Variants in MIOS observed in about 807,000 individuals in gnomAD.
MIOS encodes the protein GATOR2 complex protein MIOS.
A neutral mutation model predicts 96.9 loss-of-function variants in MIOS; 52 were observed. The observed-to-expected ratio is 0.54, with a 90% CI of 0.43 to 0.68. The LOEUF is 0.68. MIOS is among the 30% of genes least tolerant of loss of function. MIOS has a pLI of 0.00. For missense variants in MIOS, 1,005 were observed against 1,052.8 expected (o/e 0.95, Z 0.63); for synonymous variants, 397 against 359.5 (o/e 1.10, Z -1.18).
chr7:7,577,954 T>G (rs1783590031), intron 5 of MIOS, among the ~76,000 whole-genome samples: 1 of 152,118 alleles, frequency 6.6e-6, no homozygotes, highest in Non-Finnish European at 1.5e-5. Context: ...GGATCTTATT[T>G]GGATAGAGAT....
rs755225657 is a variant in MIOS at position 7,588,549 on chromosome 7, C to T, written c.1870C>T (p.Leu624Phe). Residue 624 changes from leucine to phenylalanine, a missense_variant, in exon 8 of 13, where the codon CTT becomes TTT. By Grantham distance (22) the Leu-to-Phe change is conservative. Transcript: ENST00000340080. ...RDRVAFACKFLSDTQLNRYIE... is the reference protein window; with the variant it reads ...RDRVAFACKFFSDTQLNRYIE... ...CAGAGTGGCATTTGCTTGTAAATTC[C>T]TTAGTGATACTCAGGTGAAAACTGA... is the stretch of plus-strand genomic sequence containing the variant. 1.3e-6 allele frequency: 2 copies of T among 1,590,290 alleles called. No homozygotes were observed. The highest frequency in any genetic ancestry group is 1.3e-5 in the African/African-American group (1 of 74,504).
At chr7:7,576,736 G>A (rs1184903341) in intron 5 of MIOS, among the ~76,000 whole-genome samples, 2 of 152,224 alleles carry the variant, frequency 1.3e-5, no homozygotes, top group Admixed American at 6.5e-5. Flanking sequence ...AAGATTGATA[G>A]TAGGGATATC....
At chr7:7,569,748 C>T (rs1410237500) in intron 3 of MIOS, among the ~76,000 whole-genome samples, 2 of 152,018 alleles carry the variant, frequency 1.3e-5, no homozygotes, top group African/African-American at 4.8e-5. Context: ...GTAACCAGAC[C>T]TCGACTAGGG....
At position 7,572,850 on chromosome 7, in the gene MIOS, T is replaced by C. The variant is rs779524395; in HGVS notation, c.375T>C (p.Asp125=). The change falls in exon 4 of 13, where the codon GAT becomes GAC. Residue 125 remains aspartate (D), a synonymous_variant. Coordinates refer to ENST00000340080, the MANE Select transcript of MIOS (RefSeq NM_019005.4). The surrounding 1 kb of genome is among the most constrained non-coding windows in gnomAD (Gnocchi z 4.8). ...ATACCCTTGCCTGGAATCCACTGGA[T>C]AGTAACTGGCTAGCTGCTGGTTTAG... is the stretch of plus-strand genomic sequence containing the variant. ...QCNTLAWNPL[D]SNWLAAGLDK... 1 of 1,614,184 alleles carries C rather than the reference T, an allele frequency of 6.2e-7. No individual in the cohort carries two copies. Among genetic ancestry groups the C allele is most frequent in the South Asian group, 1.1e-5 (1 of 91,078 alleles).
Position 7,572,188 on chromosome 7 carries a change from A to G in MIOS, c.-40-248A>G, listed in dbSNP as rs1003541140. 2.0e-5 allele frequency among the ~76,000 whole-genome samples: 3 copies of G among 152,244 alleles called. No homozygotes were observed. Among genetic ancestry groups the G allele is most frequent in the African/African-American group, 7.2e-5 (3 of 41,466 alleles). Reference sequence around the variant, plus strand: ...AACAGTGCAATTAAGATAATTGATCATGGGAAATATAGCCAGGATGGGATT... The same window carrying G: ...AACAGTGCAATTAAGATAATTGATCGTGGGAAATATAGCCAGGATGGGATT... On this transcript the variant is annotated intron_variant, in intron 3 of 12. Transcript: ENST00000340080. The surrounding 1 kb of genome is among the most constrained non-coding windows in gnomAD (Gnocchi z 4.8).
chr7:7,605,276 G>C (rs1769851574), intron 11 of MIOS: 1 of 150,368 alleles, frequency 6.7e-6, no homozygotes, highest in African/African-American at 2.4e-5. Flanking sequence ...GTACAGATGA[G>C]AATTACCTGT....
At position 7,572,996 on chromosome 7, in the gene MIOS, T is replaced by C; in HGVS notation, c.521T>C (p.Val174Ala). 6.2e-7 allele frequency: 1 copy of C among 1,614,114 alleles called. No homozygotes were observed. The highest frequency in any genetic ancestry group is 8.5e-7 in the Non-Finnish European group (1 of 1,179,984). ...SAGETETTLLVTKPLYELGQN... is the reference protein window; with the variant it reads ...SAGETETTLLATKPLYELGQN... ...GGTGAAACTGAAACAACATTATTAG[T>C]AACAAAACCACTTTATGAGTTAGGA... Residue 174 changes from valine to alanine, a missense_variant, in exon 4 of 13, where the codon GTA (valine) becomes GCA (alanine). This residue lies in a region of MIOS where 865 missense variants were observed against 887.9 expected (regional missense o/e 0.97). Coordinates refer to ENST00000340080, the MANE Select transcript of MIOS (RefSeq NM_019005.4). This position sits in a 1 kb window ranked among gnomAD's most constrained non-coding sequence, Gnocchi z 4.8.
Position 7,595,168 on chromosome 7 carries a change from CATGTTGATGTTCAATTTAAT to C in MIOS, c.2196+38_2196+57del, listed in dbSNP as rs752895767. Reference sequence around the variant, plus strand: ...TGTTTTGGAGAAAATCAAATTGTAACATGTTGATGTTCAATTTAATAAGTTACTATTAGCTCATTATTTTG... The same window carrying C: ...TGTTTTGGAGAAAATCAAATTGTAACAAGTTACTATTAGCTCATTATTTTG... On this transcript the variant is annotated intron_variant, in intron 10 of 12. Transcript: ENST00000340080. The C allele has an allele frequency of 8.9e-6, 14 of 1,575,954 alleles. No individual in the cohort carries two copies. The South Asian group carries it at 1.5e-4, about 17-fold the overall frequency.
At chr7:7,597,537 T>G (rs1330707097) in intron 11 of MIOS, among the ~76,000 whole-genome samples, 3 of 119,750 alleles carry the variant, frequency 2.5e-5, no homozygotes, top group Non-Finnish European at 3.5e-5. Flanking sequence ...ACGTAATGTT[T>G]TAAATGTACA....
chr7:7,585,398 C>G (rs1783851792), intron 6 of MIOS, among the ~76,000 whole-genome samples: 1 of 117,428 alleles, frequency 8.5e-6, no homozygotes. Flanking sequence ...CAGTCTGAAT[C>G]AAAACCCAAA....
At chr7:7,576,428 C>T (rs1455571565) in intron 5 of MIOS, among the ~76,000 whole-genome samples, 1 of 152,134 alleles carries the variant, frequency 6.6e-6, no homozygotes, top group Non-Finnish European at 1.5e-5. Flanking sequence ...CAGTTAATTA[C>T]AGGAAGGACT....
At chr7:7,592,689 C>T (rs1040976588) in intron 9 of MIOS, among the ~76,000 whole-genome samples, 5 of 152,076 alleles carry the variant, frequency 3.3e-5, no homozygotes, top group African/African-American at 1.2e-4. Flanking sequence ...CTAGATCCCT[C>T]ACATGTGCAG....
chr7:7,602,111 A>G (rs901428152), intron 11 of MIOS, among the ~76,000 whole-genome samples: 135 of 152,336 alleles, frequency 8.9e-4, no homozygotes, highest in African/African-American at 3.2e-3. Flanking sequence ...CCCACAGCCA[A>G]TATCATACTG....
Position 7,606,110 on chromosome 7 carries a change from T to TG in MIOS, c.2531+44dup, listed in dbSNP as rs747598183. Reference sequence around the variant, plus strand: ...TTCTTCTTTGATAGGCTTGGAGTTATGGGGGATAACACAGATTGCTTCTAA... The same window carrying TG: ...TTCTTCTTTGATAGGCTTGGAGTTATGGGGGGATAACACAGATTGCTTCTAA... On this transcript the variant is annotated intron_variant, in intron 12 of 12. Coordinates refer to ENST00000340080, the MANE Select transcript of MIOS (RefSeq NM_019005.4). 7.3e-5 allele frequency: 117 copies of TG among 1,610,400 alleles called. No individual in the cohort carries two copies. In the Admixed American group the frequency reaches 1.9e-3, roughly 26 times the overall value.
Position 7,583,150 on chromosome 7 carries a change from G to A in MIOS, c.1426G>A (p.Gly476Arg), listed in dbSNP as rs1392480213. The change falls in exon 6 of 13, where the codon GGG (glycine) becomes AGG (arginine). Residue 476 changes from glycine (G) to arginine (R), a missense_variant. Physicochemically the swap from Gly to Arg is moderately radical, Grantham distance 125. Transcript: ENST00000340080. Reference sequence around the variant, plus strand: ...GGAAAGCAGCAGACATAATTGGAGTGGGTTGGATAAGCAAAGTGATATTCA... The same window carrying A: ...GGAAAGCAGCAGACATAATTGGAGTAGGTTGGATAAGCAAAGTGATATTCA... ...MVESSRHNWS[G>R]LDKQSDIQNL... The A allele has an allele frequency of 5.0e-6, 8 of 1,613,902 alleles. No homozygotes were observed. The highest frequency in any genetic ancestry group is 2.7e-5 in the African/African-American group (2 of 74,940).
chr7:7,577,788 G>T (rs1270123965), intron 5 of MIOS, among the ~76,000 whole-genome samples: 1 of 152,256 alleles, frequency 6.6e-6, no homozygotes, highest in Non-Finnish European at 1.5e-5. Flanking sequence ...GGAGCAGGGA[G>T]GTCGTAGGAA....
intron 6 of MIOS, 76 bp downstream of exon 6, chr7:7,583,448 G>T: frequency 7.2e-7 from 1 of 1,389,802 alleles, no homozygotes; most frequent in Non-Finnish European, 9.5e-7. Context: ...AAGAAAAGAG[G>T]CTAATAATTT....
At chr7:7,602,665 A>T (rs867876535) in intron 11 of MIOS, among the ~76,000 whole-genome samples, 5 of 152,224 alleles carry the variant, frequency 3.3e-5, no homozygotes, top group Middle Eastern at 3.2e-3. Flanking sequence ...TAATTTATAG[A>T]TTCAGTGCCA....
chr7:7,583,757 ACTTT>A (rs1385071820), intron 6 of MIOS, among the ~76,000 whole-genome samples: 4 of 152,140 alleles, frequency 2.6e-5, no homozygotes, highest in African/African-American at 9.7e-5. Flanking sequence ...TTTAGTTTAT[ACTTT>A]CTTTGGGATG....
Sources: gnomAD v4.1 joint callset for allele counts (sites outside exome capture counted in the v4.1 genomes callset) on GRCh38, gnomAD v4.1.1 for gene constraint, gnomAD v4.1.1 regional missense constraint, Gnocchi (gnomAD v3.1) non-coding constraint, MANE v1.5 for transcripts, NCBI Gene and HGNC (gene_info 2026-07-23, HGNC 2026-07-21) for gene names.